The following SKAP1 variants were observed in gnomAD, a reference collection of about 807,000 sequenced individuals.
SKAP1 encodes src kinase-associated phosphoprotein 1.
SKAP1 carries 44 observed loss-of-function variants against 58.5 expected under a neutral mutation model. The ratio of observed to expected loss-of-function variants is 0.75; its 90% CI spans 0.59 to 0.97. The LOEUF is 0.97. SKAP1 is among the 50% of genes least tolerant of loss of function. The pLI is 0.00. For synonymous variants in SKAP1, 127 were observed against 149.7 expected, an observed-to-expected ratio of 0.85 and a Z score of 1.11; for missense variants, 390 against 435.2, an observed-to-expected ratio of 0.90 and a Z score of 0.92.
At chr17:48,429,373 C>T (rs1390905848) in intron 1 of SKAP1, among the ~76,000 whole-genome samples, 2 of 152,142 alleles carry the variant, frequency 1.3e-5, no homozygotes, top group Non-Finnish European at 2.9e-5. Flanking sequence ...ACGGGGATGG[C>T]CGGAACTCTT....
chr17:48,363,884 A>G (rs2066968890), intron 2 of SKAP1, 70 bp from the exon 3 acceptor site: 10 of 1,318,418 alleles, frequency 7.6e-6, no homozygotes, highest in African/African-American at 1.5e-5. Flanking sequence ...TTGGCCTACC[A>G]TAGCTATAGC....
intron 2 of SKAP1, among the ~76,000 whole-genome samples, chr17:48,373,438 A>G (rs1239657213): frequency 6.6e-6 from 1 of 152,192 alleles, no homozygotes; most frequent in Non-Finnish European, 1.5e-5. Context: ...GCCAAACCAT[A>G]TCACAGGTCT....
At chr17:48,185,143 T>G in intron 6 of SKAP1, 1 of 272,764 alleles carries the variant, frequency 3.7e-6, no homozygotes, top group Non-Finnish European at 6.9e-6. Flanking sequence ...GAAGGAATTA[T>G]TACAGCAGAG....
At chr17:48,321,347 CATTATTATTATTATTATTATTATT>C (rs59389347) in intron 4 of SKAP1, among the ~76,000 whole-genome samples, 93 of 137,564 alleles carry the variant, frequency 6.8e-4, no homozygotes, top group Non-Finnish European at 1.2e-3. Context: ...CCTTCTGTCT[CATTATTATTATTATTATTATTATT>C]ATTATTATTA....
At chr17:48,273,066 C>T (rs1175120622) in intron 4 of SKAP1, among the ~76,000 whole-genome samples, 1 of 152,182 alleles carries the variant, frequency 6.6e-6, no homozygotes, top group Non-Finnish European at 1.5e-5. Flanking sequence ...ATCCAGCCAA[C>T]CTCCTGGGAA....
chr17:48,138,762 A>C (rs1442723850), intron 11 of SKAP1, among the ~76,000 whole-genome samples: 7 of 151,840 alleles, frequency 4.6e-5, no homozygotes, highest in African/African-American at 1.2e-4. Context: ...GTGATCCACC[A>C]GCCTCGGCCT....
At chr17:48,246,251 AG>A (rs1281979677) in intron 4 of SKAP1, among the ~76,000 whole-genome samples, 1 of 152,216 alleles carries the variant, frequency 6.6e-6, no homozygotes, top group East Asian at 1.9e-4. Context: ...TAGCATTCAA[AG>A]GTTTCCAAAA....
At chr17:48,397,892 T>G (rs895728574) in intron 1 of SKAP1, among the ~76,000 whole-genome samples, 5 of 152,122 alleles carry the variant, frequency 3.3e-5, no homozygotes, top group Admixed American at 2.0e-4. Flanking sequence ...CTACAAATTT[T>G]CAAAGACAAA....
rs59376097 is a variant in SKAP1 at position 48,369,146 on chromosome 17, A to AAAATAAATAAATAAATAAAT, written c.153-5352_153-5333dup. Among the ~76,000 whole-genome samples, 556 of 146,740 alleles carry AAAATAAATAAATAAATAAAT rather than the reference A, an allele frequency of 3.8e-3. 6 individuals are homozygous for AAAATAAATAAATAAATAAAT. Among genetic ancestry groups the AAAATAAATAAATAAATAAAT allele is most frequent in the African/African-American group, 0.012 (488 of 39,312 alleles). Reference sequence around the variant, plus strand: ...TGGCAACAGAGACAGACTCCATCTCAAAATAAATAAATAAATAAATAAATA... The same window carrying AAAATAAATAAATAAATAAAT: ...TGGCAACAGAGACAGACTCCATCTCAAAATAAATAAATAAATAAATAAATAAATAAATAAATAAATAAATA... On this transcript the variant is annotated intron_variant, in intron 2 of 12. Transcript: ENST00000336915.
chr17:48,306,917 A>C (rs1322624743), intron 4 of SKAP1, among the ~76,000 whole-genome samples: 1 of 152,214 alleles, frequency 6.6e-6, no homozygotes, highest in Non-Finnish European at 1.5e-5. Context: ...ATTCCATGAC[A>C]CTGGAAAATA....
intron 4 of SKAP1, among the ~76,000 whole-genome samples, chr17:48,287,526 A>C (rs1256036756): frequency 6.6e-6 from 1 of 152,206 alleles, no homozygotes; most frequent in Non-Finnish European, 1.5e-5. Flanking sequence ...CATAGTTCCT[A>C]CTAGGCACAG....
At chr17:48,383,748 G>A (rs1024722800) in intron 2 of SKAP1, among the ~76,000 whole-genome samples, 7 of 129,766 alleles carry the variant, frequency 5.4e-5, no homozygotes, top group African/African-American at 2.1e-4. Context: ...ATGGAGTCTC[G>A]CTCTGTTGCC....
chr17:48,175,825 T>C (rs2064282322), intron 9 of SKAP1, among the ~76,000 whole-genome samples: 1 of 152,120 alleles, frequency 6.6e-6, no homozygotes, highest in Admixed American at 6.5e-5. Context: ...AGAAACAACA[T>C]GATTCTAGTT....
At chr17:48,184,598 C>T (rs941442279) in intron 7 of SKAP1, 125 bp downstream of exon 7, 25 of 1,207,858 alleles carry the variant, frequency 2.1e-5, no homozygotes, top group East Asian at 9.4e-5. Context: ...ATAGGGTCTT[C>T]GTTGGCATGA....
intron 11 of SKAP1, among the ~76,000 whole-genome samples, chr17:48,140,329 A>C (rs2063753408): frequency 6.6e-6 from 1 of 151,846 alleles, no homozygotes; most frequent in African/African-American, 2.4e-5. Context: ...TGATAATTAT[A>C]CTCTCCTGGT....
At chr17:48,214,554 T>C (rs1356900939) in intron 4 of SKAP1, among the ~76,000 whole-genome samples, 1 of 151,900 alleles carries the variant, frequency 6.6e-6, no homozygotes, top group Non-Finnish European at 1.5e-5. Flanking sequence ...ATTACAGGCA[T>C]AGGCCATTGC....
chr17:48,372,700 G>T (rs187099313), intron 2 of SKAP1, among the ~76,000 whole-genome samples: 9 of 152,252 alleles, frequency 5.9e-5, no homozygotes, highest in African/African-American at 2.2e-4. Context: ...GAATGCAGTG[G>T]TGCAATCATA....
intron 4 of SKAP1, among the ~76,000 whole-genome samples, chr17:48,272,985 G>A (rs1567847879): frequency 6.6e-6 from 1 of 152,200 alleles, no homozygotes; most frequent in Non-Finnish European, 1.5e-5. Flanking sequence ...CAAGGATAAA[G>A]TATAGCAGGT....
intron 11 of SKAP1, among the ~76,000 whole-genome samples, chr17:48,156,860 A>G (rs1468870494): frequency 2.6e-5 from 4 of 152,202 alleles, no homozygotes; most frequent in Non-Finnish European, 4.4e-5. Context: ...GTGGATTTTC[A>G]TGTAGGCCTC....
Sources: gnomAD v4.1 joint callset for allele counts (sites outside exome capture counted in the v4.1 genomes callset) on GRCh38, gnomAD v4.1.1 for gene constraint, MANE v1.5 for transcripts, NCBI Gene and HGNC (gene_info 2026-07-23, HGNC 2026-07-21) for gene names.